Variants in GRID2 observed in about 807,000 individuals in gnomAD.
GRID2 encodes glutamate ionotropic receptor delta type subunit 2.
In GRID2, 33 loss-of-function variants were observed where a neutral mutation model predicts 114.8. The observed-to-expected ratio is 0.29, with a 90% confidence interval of 0.22 to 0.38. The LOEUF is 0.38. Ranked by LOEUF, GRID2 falls within the 10% of genes least tolerant of loss-of-function variation. The probability of loss-of-function intolerance (pLI) is 1.00; values close to 1 mark genes in which losing one functional copy is unlikely to be tolerated. For synonymous variants in GRID2, 505 were observed against 449.9 expected (o/e 1.12, Z -1.55); for missense variants, 1,184 against 1,257.7 (o/e 0.94, Z 0.89).
intron 8 of GRID2, among the ~76,000 whole-genome samples, chr4:93,366,251 G>C (rs1158119175): frequency 1.3e-5 from 2 of 152,172 alleles, no homozygotes; most frequent in African/African-American, 4.8e-5. Flanking sequence ...GAGAAATAAT[G>C]CTGAATTCTT....
intron 1 of GRID2, among the ~76,000 whole-genome samples, chr4:93,796,101 C>A (rs2110362503): frequency 6.6e-6 from 1 of 152,190 alleles, no homozygotes; most frequent in African/African-American, 2.4e-5. Context: ...GCCCACAGCT[C>A]CCCAGGTGGC....
At chr4:92,453,049 GGT>G (rs1449167363) in intron 1 of GRID2, among the ~76,000 whole-genome samples, 1 of 151,052 alleles carries the variant, frequency 6.6e-6, no homozygotes, top group African/African-American at 2.4e-5. Flanking sequence ...CATTTGTGTG[GGT>G]GTGTGTGTGG....
intron 8 of GRID2, among the ~76,000 whole-genome samples, chr4:93,251,240 A>C (rs1458169813): frequency 6.6e-6 from 1 of 152,168 alleles, no homozygotes; most frequent in African/African-American, 2.4e-5. Flanking sequence ...GTGTGCAAGT[A>C]ATTTAGACCT....
At chr4:92,516,877 A>G (rs1340096283) in intron 1 of GRID2, among the ~76,000 whole-genome samples, 2 of 151,896 alleles carry the variant, frequency 1.3e-5, no homozygotes, top group African/African-American at 4.8e-5. Flanking sequence ...TAGGTAGTAG[A>G]TTCTTTGCCT....
chr4:92,568,522 T>A (rs1367730167), intron 1 of GRID2, among the ~76,000 whole-genome samples: 1 of 152,072 alleles, frequency 6.6e-6, no homozygotes, highest in Admixed American at 6.6e-5. Flanking sequence ...TCTACTAGTC[T>A]GTCATCTTGT....
chr4:93,509,835 AT>A (rs957388145), intron 12 of GRID2, among the ~76,000 whole-genome samples: 1 of 152,138 alleles, frequency 6.6e-6, no homozygotes, highest in African/African-American at 2.4e-5. Context: ...GTTCCTTTAA[AT>A]GCTACATTTT....
intron 1 of GRID2, among the ~76,000 whole-genome samples, chr4:92,527,568 A>G (rs1423945065): frequency 6.6e-6 from 1 of 152,128 alleles, no homozygotes; most frequent in African/African-American, 2.4e-5. Flanking sequence ...TGAAGCATTA[A>G]ATGAATATTT....
chr4:92,316,159 T>C (rs1446262731), intron 1 of GRID2, among the ~76,000 whole-genome samples: 1 of 152,170 alleles, frequency 6.6e-6, no homozygotes, highest in East Asian at 1.9e-4. Flanking sequence ...GCTGTCTTGC[T>C]ACTCAGAATC....
At chr4:93,209,306 G>T (rs1014778595) in intron 5 of GRID2, among the ~76,000 whole-genome samples, 1 of 151,948 alleles carries the variant, frequency 6.6e-6, no homozygotes, top group Non-Finnish European at 1.5e-5. Context: ...GTGTCCATAT[G>T]TTTTCATCAT....
At chr4:92,685,841 T>C (rs1733872579) in intron 2 of GRID2, among the ~76,000 whole-genome samples, 1 of 152,062 alleles carries the variant, frequency 6.6e-6, no homozygotes, top group South Asian at 2.1e-4. Context: ...CAACACATTT[T>C]TGAAAATGCT....
At chr4:92,347,555 C>G (rs1579216648) in intron 1 of GRID2, among the ~76,000 whole-genome samples, 1 of 152,136 alleles carries the variant, frequency 6.6e-6, no homozygotes, top group African/African-American at 2.4e-5. Flanking sequence ...CCATTAATTT[C>G]AAATGAATAT....
chr4:92,830,160 A>G (rs1209542544), intron 2 of GRID2, among the ~76,000 whole-genome samples: 1 of 152,056 alleles, frequency 6.6e-6, no homozygotes, highest in Non-Finnish European at 1.5e-5. Context: ...GGACTCATAA[A>G]CACTCCCATA....
intron 14 of GRID2, among the ~76,000 whole-genome samples, chr4:93,697,181 A>C (rs1727094516): frequency 6.6e-6 from 1 of 152,198 alleles, no homozygotes; most frequent in African/African-American, 2.4e-5. Context: ...TTAATGAAGC[A>C]ACACAAGTGC....
intron 2 of GRID2, among the ~76,000 whole-genome samples, chr4:92,940,670 G>A (rs567208747): frequency 6.6e-6 from 1 of 151,902 alleles, no homozygotes. Context: ...ATGCTTCCAG[G>A]TTTTGCCCAT....
chr4:92,914,280 G>C (rs1168868969), intron 2 of GRID2, among the ~76,000 whole-genome samples: 1 of 152,090 alleles, frequency 6.6e-6, no homozygotes, highest in South Asian at 2.1e-4. Context: ...TGGGTAAAAT[G>C]CTTGGTAATT....
intron 13 of GRID2, among the ~76,000 whole-genome samples, chr4:93,616,635 T>C (rs1360066594): frequency 2.7e-5 from 4 of 147,876 alleles, no homozygotes; most frequent in African/African-American, 9.9e-5. Context: ...TAAAAAAAAG[T>C]TTATAGACTA....
chr4:93,263,361 C>T (rs888127865), intron 8 of GRID2, among the ~76,000 whole-genome samples: 9 of 151,928 alleles, frequency 5.9e-5, no homozygotes, highest in African/African-American at 1.7e-4. Context: ...AGACTCATAC[C>T]ATCTGCTTCC....
intron 8 of GRID2, among the ~76,000 whole-genome samples, chr4:93,241,879 A>G (rs1468092559): frequency 6.6e-6 from 1 of 151,752 alleles, no homozygotes; most frequent in African/African-American, 2.4e-5. Flanking sequence ...ATTTTTTACA[A>G]TGTAAGAGAT....
intron 4 of GRID2, among the ~76,000 whole-genome samples, chr4:93,202,987 GT>G (rs1374057521): frequency 6.6e-6 from 1 of 152,044 alleles, no homozygotes; most frequent in East Asian, 1.9e-4. Flanking sequence ...GTGTGTGTAT[GT>G]GTGTGTATAA....
Sources: gnomAD v4.1 joint callset for allele counts (sites outside exome capture counted in the v4.1 genomes callset) on GRCh38, gnomAD v4.1.1 for gene constraint, MANE v1.5 for transcripts, NCBI Gene and HGNC (gene_info 2026-07-23, HGNC 2026-07-21) for gene names.